The following AUTS2 variants were observed in gnomAD, a reference collection of about 807,000 sequenced individuals.
AUTS2 encodes the protein autism susceptibility gene 2 protein.
In AUTS2, 17 loss-of-function variants were observed where a neutral mutation model predicts 112.4. That is an observed-to-expected ratio of 0.15 (90% confidence interval 0.10 to 0.23). AUTS2 has a LOEUF of 0.23. AUTS2 is among the 10% of genes least tolerant of loss of function. The pLI is 1.00. For missense variants in AUTS2, 1,510 were observed against 1,701.6 expected (o/e 0.89, Z 1.98); for synonymous variants, 751 against 702.7 (o/e 1.07, Z -1.09).
chr7:70,312,692 A>G (rs1789815593), intron 4 of AUTS2, among the ~76,000 whole-genome samples: 1 of 152,228 alleles, frequency 6.6e-6, no homozygotes, highest in Non-Finnish European at 1.5e-5. Context: ...ATATGCAGAA[A>G]TTCCGTCCAA....
intron 6 of AUTS2, among the ~76,000 whole-genome samples, chr7:70,744,149 A>G (rs991826982): frequency 6.6e-5 from 10 of 152,180 alleles, no homozygotes; most frequent in Non-Finnish European, 1.3e-4. Flanking sequence ...TGGATTTGAA[A>G]ACACCAAATT....
At chr7:69,628,809 G>A (rs1794085838) in intron 1 of AUTS2, among the ~76,000 whole-genome samples, 4 of 152,054 alleles carry the variant, frequency 2.6e-5, no homozygotes. Context: ...CAACATTAGG[G>A]GTTACAATTC....
chr7:70,293,851 T>C (rs747355714), intron 4 of AUTS2: 5 of 152,210 alleles, frequency 3.3e-5, no homozygotes, highest in Non-Finnish European at 7.3e-5. Context: ...AGCATTTGCA[T>C]TGGAGTGACC....
In AUTS2 at chr7:70,191,393, G is replaced by A. The variant is rs568821312; in HGVS notation, c.660+56822G>A. 3.7e-4 allele frequency among the ~76,000 whole-genome samples: 56 copies of A among 151,852 alleles called. 1 individual carries two copies. Among genetic ancestry groups the A allele is most frequent in the African/African-American group, 1.1e-3 (45 of 41,432 alleles). On this transcript the variant is annotated intron_variant, in intron 4 of 18. Coordinates refer to ENST00000342771, the MANE Select transcript of AUTS2 (RefSeq NM_015570.4). ...TAACCATATTAGCCAGGATGGTCTC[G>A]GTCTCCTGACCTCATGATCCTCCCA...
At chr7:69,647,249 A>C (rs1435881365) in intron 1 of AUTS2, among the ~76,000 whole-genome samples, 5 of 152,162 alleles carry the variant, frequency 3.3e-5, no homozygotes, top group Admixed American at 2.0e-4. Context: ...CTTATCTCCA[A>C]AACAAGAAGG....
intron 1 of AUTS2, among the ~76,000 whole-genome samples, chr7:69,833,631 C>T (rs1316254498): frequency 6.6e-6 from 1 of 152,146 alleles, no homozygotes; most frequent in East Asian, 1.9e-4. Context: ...GTCGGGGTTT[C>T]GCCATATTGG....
intron 5 of AUTS2, among the ~76,000 whole-genome samples, chr7:70,496,462 C>T (rs532908158): frequency 3.8e-4 from 53 of 140,796 alleles, no homozygotes; most frequent in African/African-American, 1.2e-3. Context: ...ACCACGTACA[C>T]AGTCACACAC....
Position 70,483,897 on chromosome 7 carries a change from A to G in AUTS2, c.690+48116A>G, listed in dbSNP as rs376008714. Among the ~76,000 whole-genome samples the G allele has an allele frequency of 2.9e-3, 440 of 152,274 alleles. 2 individuals are homozygous for G. Among genetic ancestry groups the G allele is most frequent in the African/African-American group, 9.9e-3 (412 of 41,580 alleles). ...ATTTAAATATGATATTTCTGTCTTC[A>G]TTAATTTAAAGCATGTATATGATAA... On this transcript the variant is annotated intron_variant, in intron 5 of 18. Coordinates refer to ENST00000342771, the MANE Select transcript of AUTS2 (RefSeq NM_015570.4).
At chr7:69,931,937 A>G (rs568594159) in intron 2 of AUTS2, among the ~76,000 whole-genome samples, 1 of 152,192 alleles carries the variant, frequency 6.6e-6, no homozygotes, top group Non-Finnish European at 1.5e-5. Flanking sequence ...TTTCATTGAT[A>G]AAACAGAATT....
chr7:69,918,035 G>T (rs1023519072), intron 2 of AUTS2, among the ~76,000 whole-genome samples: 1 of 152,038 alleles, frequency 6.6e-6, no homozygotes, highest in Non-Finnish European at 1.5e-5. Flanking sequence ...TAGAGACAGG[G>T]TTTCACCATG....
At chr7:70,279,307 G>A (rs1225722457) in intron 4 of AUTS2, among the ~76,000 whole-genome samples, 1 of 152,196 alleles carries the variant, frequency 6.6e-6, no homozygotes, top group Non-Finnish European at 1.5e-5. Context: ...TAAGAGCAGT[G>A]CTTACCAGTA....
At chr7:69,618,085 A>C (rs953590786) in intron 1 of AUTS2, among the ~76,000 whole-genome samples, 3 of 152,168 alleles carry the variant, frequency 2.0e-5, no homozygotes, top group Admixed American at 1.3e-4. Context: ...TGAGGTGCAG[A>C]GAAGTTAAGT....
intron 2 of AUTS2, among the ~76,000 whole-genome samples, chr7:70,034,312 G>A (rs1229583839): frequency 6.6e-6 from 1 of 152,158 alleles, no homozygotes; most frequent in Non-Finnish European, 1.5e-5. Context: ...GTAACTCTGT[G>A]ATGCTTTCTT....
At chr7:70,178,562 G>A (rs1329621730) in intron 4 of AUTS2, among the ~76,000 whole-genome samples, 1 of 152,176 alleles carries the variant, frequency 6.6e-6, no homozygotes, top group Non-Finnish European at 1.5e-5. Flanking sequence ...CCCTTTGGGA[G>A]GCTGAGGCGG....
chr7:70,054,557 G>A (rs1364811620), intron 2 of AUTS2, among the ~76,000 whole-genome samples: 1 of 152,004 alleles, frequency 6.6e-6, no homozygotes, highest in African/African-American at 2.4e-5. Context: ...TGATATACTG[G>A]TTACTTAATA....
chr7:69,897,917 G>A (rs1166184820), intron 1 of AUTS2, among the ~76,000 whole-genome samples: 1 of 152,066 alleles, frequency 6.6e-6, no homozygotes, highest in Non-Finnish European at 1.5e-5. Flanking sequence ...TGAGAAAATT[G>A]GATGTGAAAG....
At chr7:70,386,426 G>A (rs1286025231) in intron 4 of AUTS2, among the ~76,000 whole-genome samples, 1 of 152,050 alleles carries the variant, frequency 6.6e-6, no homozygotes, top group Non-Finnish European at 1.5e-5. Flanking sequence ...TTGATTTTTG[G>A]TATATTGACA....
intron 2 of AUTS2, among the ~76,000 whole-genome samples, chr7:70,117,137 G>GTT (rs541747935): frequency 3.2e-5 from 2 of 61,990 alleles, no homozygotes; most frequent in African/African-American, 1.2e-4. Context: ...GTTTTTTTTT[G>GTT]TTTTTTTTTT....
At chr7:69,777,544 AC>A (rs1489579537) in intron 1 of AUTS2, among the ~76,000 whole-genome samples, 1 of 152,172 alleles carries the variant, frequency 6.6e-6, no homozygotes, top group African/African-American at 2.4e-5. Context: ...ATAAAGCTCT[AC>A]AGGCACTACT....
Sources: gnomAD v4.1 joint callset for allele counts (sites outside exome capture counted in the v4.1 genomes callset) on GRCh38, gnomAD v4.1.1 for gene constraint, MANE v1.5 for transcripts, NCBI Gene and HGNC (gene_info 2026-07-23, HGNC 2026-07-21) for gene names.